Variants in KRT73 observed in about 807,000 individuals in gnomAD.
The protein encoded by KRT73 is keratin, type II cytoskeletal 73.
A neutral mutation model predicts 47.2 loss-of-function variants in KRT73; 44 were observed. The observed-to-expected ratio is 0.93, with a 90% CI of 0.73 to 1.20. KRT73 has a LOEUF of 1.20. Among genes scored for constraint, KRT73 ranks in the 50% most tolerant of loss-of-function variants. The pLI is 0.00. For missense variants in KRT73, 713 were observed against 704.5 expected (o/e 1.01, Z -0.14); for synonymous variants, 285 against 291.3 (o/e 0.98, Z 0.22).
Position 52,608,243 on chromosome 12 carries a change from C to T in KRT73, c.1576G>A (p.Gly526Arg). Residue 526 changes from glycine to arginine, a missense_variant, in exon 9 of 9, where the codon GGA (glycine) becomes AGA (arginine). Transcript: ENST00000305748. ...GSASEFRDSQ[G>R]KTLALSSPTK... is the part of the protein sequence containing the mutation. ...GGTGAGCTTAGAGCTAAGGTCTTTCCCTGGGAGTCCCTGAATTCACTTGCA... is the reference window on the plus strand; with the variant it reads ...GGTGAGCTTAGAGCTAAGGTCTTTCTCTGGGAGTCCCTGAATTCACTTGCA... 6.2e-7 allele frequency: 1 copy of T among 1,613,856 alleles called. No individual in the cohort carries two copies. Among genetic ancestry groups the T allele is most frequent in the Non-Finnish European group, 8.5e-7 (1 of 1,179,940 alleles).
intron 1 of KRT73, among the ~76,000 whole-genome samples, chr12:52,616,792 C>G (rs898072446): frequency 2.6e-5 from 4 of 152,170 alleles, no homozygotes; most frequent in African/African-American, 9.7e-5. Flanking sequence ...GTGGCCCGTG[C>G]TCTGCCTAGT....
chr12:52,619,014 C>T (rs1222783958), upstream of KRT73, among the ~76,000 whole-genome samples: 1 of 152,226 alleles, frequency 6.6e-6, no homozygotes, highest in Admixed American at 6.5e-5. Context: ...GCTGCTGCTG[C>T]CTGGCTTCCC....
intron 1 of KRT73, among the ~76,000 whole-genome samples, chr12:52,617,576 G>A (rs773515212): frequency 4.6e-5 from 7 of 152,192 alleles, no homozygotes; most frequent in Middle Eastern, 3.2e-3. Context: ...GACACAGGAG[G>A]AACAGCTGGG....
In KRT73 at chr12:52,618,556, C is replaced by A; in HGVS notation, c.-32G>T. ...GAGGCCAGAAAGTGGGGATAAGATG[C>A]TGACCCTTAGCTGAGATGCAGTTCA... is the stretch of plus-strand genomic sequence containing the variant. On this transcript the variant is annotated 5_prime_UTR_variant, in exon 1 of 9. Coordinates refer to ENST00000305748, the MANE Select transcript of KRT73 (RefSeq NM_175068.3). The A allele has an allele frequency of 6.4e-7, 1 of 1,564,308 alleles. No individual in the cohort carries two copies. The highest frequency in any genetic ancestry group is 8.7e-7 in the Non-Finnish European group (1 of 1,155,986).
rs755424748 is a variant in KRT73, at chr12:52,608,197, T to C, written c.1622A>G (p.Ter541=). The C allele has an allele frequency of 6.2e-7, 1 of 1,610,348 alleles. No homozygotes were observed. The highest frequency in any genetic ancestry group is 8.5e-7 in the Non-Finnish European group (1 of 1,178,032). ...LSSPTKKTMR[*] Reference sequence around the variant, plus strand: ...TGGGAAATGGGCTGTGTTGCACTTTTATCTCATGGTTTTTTTGGTGGGTGA... The same window carrying C: ...TGGGAAATGGGCTGTGTTGCACTTTCATCTCATGGTTTTTTTGGTGGGTGA... Residue 541 remains the stop codon, a stop_retained_variant, in exon 9 of 9, where the codon TAA becomes TGA. Coordinates refer to ENST00000305748, the MANE Select transcript of KRT73 (RefSeq NM_175068.3).
the KRT73 span, among the ~76,000 whole-genome samples, chr12:52,629,395 G>T: frequency 1.2e-3 from 158 of 136,774 alleles, no homozygotes; most frequent in African/African-American, 4.4e-3. Flanking sequence ...TGAAGGCAGG[G>T]TCTCCCCTTC....
chr12:52,624,518 TA>T, the KRT73 span, among the ~76,000 whole-genome samples: 1 of 152,054 alleles, frequency 6.6e-6, no homozygotes, highest in Non-Finnish European at 1.5e-5. Flanking sequence ...GGATATAAAA[TA>T]AACCTCAACA....
chr12:52,629,390 G>A, the KRT73 span, among the ~76,000 whole-genome samples: 1 of 140,172 alleles, frequency 7.1e-6, no homozygotes, highest in Non-Finnish European at 1.5e-5. Context: ...GGCCCTGAAG[G>A]CAGGGTCTCC....
At chr12:52,619,551 T>C (rs1199291545), upstream of KRT73, among the ~76,000 whole-genome samples, 1 of 152,236 alleles carries the variant, frequency 6.6e-6, no homozygotes, top group Non-Finnish European at 1.5e-5. Context: ...TATGCCCGCC[T>C]TATTCATTCG....
At chr12:52,612,332 A>G (rs1943769782) in intron 5 of KRT73, 1 of 152,236 alleles carries the variant, frequency 6.6e-6, no homozygotes, top group Non-Finnish European at 1.5e-5. Context: ...GTTGTCATCT[A>G]TTAAACAGTC....
intron 6 of KRT73, 69 bp from the exon 7 acceptor site, chr12:52,610,904 C>T (rs1940687563): frequency 3.0e-6 from 4 of 1,344,246 alleles, no homozygotes; most frequent in Non-Finnish European, 3.1e-6. Flanking sequence ...CCCATGCTCT[C>T]AATGGTTGAG....
At chr12:52,619,466 G>C (rs915300096), upstream of KRT73, among the ~76,000 whole-genome samples, 3 of 152,162 alleles carry the variant, frequency 2.0e-5, no homozygotes, top group African/African-American at 7.2e-5. Flanking sequence ...CCCAGAGAAT[G>C]AAAATGCCCC....
rs770553005 is a variant in KRT73, at chr12:52,618,317, C to A, written c.208G>T (p.Gly70Cys). ...NVASGSGWAG[G>C]YGFGRGRASG... ...GCCCGGCCCCGGCCAAATCCATAGCCTCCTGCCCACCCACTGCCACTGGCC... is the reference window on the plus strand; with the variant it reads ...GCCCGGCCCCGGCCAAATCCATAGCATCCTGCCCACCCACTGCCACTGGCC... Residue 70 changes from glycine (G) to cysteine (C), a missense_variant, in exon 1 of 9, where the codon GGC (glycine) becomes TGC (cysteine). By Grantham distance (159) the Gly-to-Cys change is radical. Transcript: ENST00000305748. 31 of 1,614,072 alleles carry A rather than the reference C, an allele frequency of 1.9e-5. No individual in the cohort carries two copies. The highest frequency in any genetic ancestry group is 2.6e-5 in the Non-Finnish European group (31 of 1,180,028).
rs1940857154 is a variant in KRT73, at chr12:52,618,454, A to G, written c.71T>C (p.Leu24Pro). The change falls in exon 1 of 9, where the codon CTC (leucine) becomes CCC (proline). Residue 24 changes from leucine (L) to proline (P), a missense_variant. Transcript: ENST00000305748. Reference sequence around the variant, plus strand: ...GTAGGAGGATGAGCTGCCCCCTGAGAGCACAGCGGAGCAGCCGCTGAAGCC... The same window carrying G: ...GTAGGAGGATGAGCTGCCCCCTGAGGGCACAGCGGAGCAGCCGCTGAAGCC... Reference protein sequence around the residue: ...KGGFSGCSAVLSGGSSSSYRA... With the variant: ...KGGFSGCSAVPSGGSSSSYRA... 1 of 1,613,646 alleles carries G rather than the reference A, an allele frequency of 6.2e-7. No homozygotes were observed. Among genetic ancestry groups the G allele is most frequent in the Non-Finnish European group, 8.5e-7 (1 of 1,179,812 alleles).
In KRT73 at chr12:52,607,979, C is replaced by A; in HGVS notation, c.*217G>T. 1 of 569,184 alleles carries A rather than the reference C, an allele frequency of 1.8e-6. No individual in the cohort carries two copies. Among genetic ancestry groups the A allele is most frequent in the Non-Finnish European group, 3.1e-6 (1 of 327,418 alleles). 35.3% of individuals were successfully genotyped at this position (569,184 alleles called of 1,614,324 possible). On this transcript the variant is annotated 3_prime_UTR_variant, in exon 9 of 9. Transcript: ENST00000305748. The stretch of plus-strand genomic sequence containing the variant: ...AAGGGGAGGCTGAGTTAAAAGGCCT[C>A]TTTGGATGGAGGCAGAAAGATGGGC...
At chr12:52,622,392 C>G (rs1439317394), upstream of KRT73, among the ~76,000 whole-genome samples, 4 of 152,204 alleles carry the variant, frequency 2.6e-5, no homozygotes, top group African/African-American at 9.6e-5. Context: ...GAATAAACAT[C>G]TGGGATGTGA....
Position 52,613,779 on chromosome 12 carries a change from T to C in KRT73, c.893A>G (p.Asp298Gly), listed in dbSNP as rs1309079633. The C allele has an allele frequency of 1.2e-6, 2 of 1,614,244 alleles. No individual in the cohort carries two copies. Among genetic ancestry groups the C allele is most frequent in the South Asian group, 1.1e-5 (1 of 91,076 alleles). The change falls in exon 5 of 9, where the codon GAC becomes GGC. Residue 298 changes from aspartate (D) to glycine (G), a missense_variant. By Grantham distance (94) the Asp-to-Gly change is moderately conservative (BLOSUM62 -1). Transcript: ENST00000305748. ...GACCTCAGCAATGATGCTGTCCAGG[T>C]CCAGGTTCCGGTTGTTGTCCATGGA... Reference protein sequence around the residue: ...ILSMDNNRNLDLDSIIAEVRA... With the variant: ...ILSMDNNRNLGLDSIIAEVRA...
At chr12:52,616,144 C>T (rs1181659714) in intron 2 of KRT73, 22 bp downstream of exon 2, 1 of 1,613,608 alleles carries the variant, frequency 6.2e-7, no homozygotes, top group East Asian at 2.2e-5. Flanking sequence ...GGCAGACCAG[C>T]CTGGAGTGGC....
chr12:52,615,015 C>T, intron 3 of KRT73: 2 of 538,556 alleles, frequency 3.7e-6, no homozygotes, highest in Non-Finnish European at 6.6e-6. Context: ...TGCAGCCCCT[C>T]CCAAAGCCTG....
Sources: allele counts gnomAD v4.1 joint callset (sites outside exome capture counted in the v4.1 genomes callset), GRCh38; gene constraint gnomAD v4.1.1; transcripts MANE v1.5; gene names NCBI Gene and HGNC (gene_info 2026-07-23, HGNC 2026-07-21).